The following AEBP1 variants were observed in gnomAD, a reference collection of about 807,000 sequenced individuals.
The protein encoded by AEBP1 is AE binding protein 1.
A neutral mutation model predicts 116.5 loss-of-function variants in AEBP1; 69 were observed. That is an observed-to-expected ratio of 0.59 (90% confidence interval 0.49 to 0.72). AEBP1 has a LOEUF of 0.72. AEBP1 is among the 30% of genes least tolerant of loss of function. AEBP1 has a pLI of 0.00. For missense variants in AEBP1, 1,444 were observed against 1,557.5 expected, an observed-to-expected ratio of 0.93 and a Z score of 1.23; for synonymous variants, 627 against 627.3, an observed-to-expected ratio of 1.00 and a Z score of 0.01.
Position 44,111,419 on chromosome 7 carries a change from C to A in AEBP1, c.1717-88C>A. 1 of 1,487,542 alleles carries A rather than the reference C, an allele frequency of 6.7e-7. No homozygotes were observed. The highest frequency in any genetic ancestry group is 1.4e-5 in the South Asian group (1 of 73,024). The allele number at this position is 1,487,542 out of a possible 1,614,324, so 92.1% of individuals were successfully genotyped here. On this transcript the variant is annotated intron_variant, in intron 14 of 20. Coordinates refer to ENST00000223357, the MANE Select transcript of AEBP1 (RefSeq NM_001129.5). The surrounding 1 kb of genome is among the most constrained non-coding windows in gnomAD (Gnocchi z 4.7). Reference sequence around the variant, plus strand: ...GTGAAGGGGTCATGCCCGTCCCTCGCCATAGAGCAGGCCCTGGAAGTGGAA... The same window carrying A: ...GTGAAGGGGTCATGCCCGTCCCTCGACATAGAGCAGGCCCTGGAAGTGGAA...
In AEBP1 at chr7:44,113,812, C is replaced by A; in HGVS notation, c.3028C>A (p.Pro1010Thr). 5 of 1,614,058 alleles carry A rather than the reference C, an allele frequency of 3.1e-6. 1 individual carries two copies. The South Asian group carries it at 5.5e-5, about 18-fold the overall frequency. Residue 1010 changes from proline (P) to threonine (T), a missense_variant, in exon 21 of 21, where the codon CCT becomes ACT. Pro to Thr is a conservative substitution (Grantham distance 38). Coordinates refer to ENST00000223357, the MANE Select transcript of AEBP1 (RefSeq NM_001129.5). The surrounding 1 kb of genome is among the most constrained non-coding windows in gnomAD (Gnocchi z 5.3). ...RPIPHIDPSR[P>T]MTPQQRRLQQ... ...TATCCCACACATAGACCCATCGCGC[C>A]CTATGACCCCCCAACAGCGACGCCT...
Position 44,104,880 on chromosome 7 carries a change from G to A in AEBP1, c.215G>A (p.Gly72Glu). ...PTPRVRKAQA[G>E]GKPGKRPGTA... ...CCGCGGGTCCGAAAAGCCCAGGCGGGGGGCAAGCCAGGGAAGCGGCCAGGG... is the reference window on the plus strand; with the variant it reads ...CCGCGGGTCCGAAAAGCCCAGGCGGAGGGCAAGCCAGGGAAGCGGCCAGGG... Residue 72 changes from glycine to glutamate, a missense_variant, in exon 1 of 21, where the codon GGG (glycine) becomes GAG (glutamate). Transcript: ENST00000223357. 6.4e-7 allele frequency: 1 copy of A among 1,559,446 alleles called. No homozygotes were observed. The highest frequency in any genetic ancestry group is 8.7e-7 in the Non-Finnish European group (1 of 1,152,226).
chr7:44,113,800 G>A lies in AEBP1; in HGVS notation c.3016G>A (p.Asp1006Asn). Residue 1006 changes from aspartate (D) to asparagine (N), a missense_variant, in exon 21 of 21, where the codon GAC becomes AAC. Transcript: ENST00000223357. This position sits in a 1 kb window ranked among gnomAD's most constrained non-coding sequence, Gnocchi z 5.3. The part of the protein sequence containing the change: ...MNGNRPIPHI[D>N]PSRPMTPQQR... ...CGGGAACCGGCCTATCCCACACATA[G>A]ACCCATCGCGCCCTATGACCCCCCA... 1 of 1,614,046 alleles carries A rather than the reference G, an allele frequency of 6.2e-7. No individual in the cohort carries two copies. The highest frequency in any genetic ancestry group is 8.5e-7 in the Non-Finnish European group (1 of 1,179,996).
Position 44,106,640 on chromosome 7 carries a change from G to A in AEBP1, c.348G>A (p.Pro116=), listed in dbSNP as rs201227189. 1.8e-4 allele frequency: 288 copies of A among 1,612,682 alleles called. No homozygotes were observed. Among genetic ancestry groups the A allele is most frequent in the Admixed American group, 2.0e-4 (12 of 59,782 alleles). ...AGTCCTTGGAGGGGTCCCCCAGGCCGCCCAAGAAGGGGAAGGAGAAGCCAC... is the reference window on the plus strand; with the variant it reads ...AGTCCTTGGAGGGGTCCCCCAGGCCACCCAAGAAGGGGAAGGAGAAGCCAC... ...PKESLEGSPR[P]PKKGKEKPPK... The change falls in exon 2 of 21, where the codon CCG becomes CCA. Residue 116 remains proline, a synonymous_variant. Coordinates refer to ENST00000223357, the MANE Select transcript of AEBP1 (RefSeq NM_001129.5).
rs917657328 is a variant in AEBP1, at chr7:44,104,605, A to G, written c.-61A>G. On this transcript the variant is annotated 5_prime_UTR_variant, in exon 1 of 21. Transcript: ENST00000223357. ...CTCGATCCCCTCTCCGCCCTTTCCC[A>G]GAGACCCAGAGCCCCTGACCCCCCG... 2.5e-6 allele frequency: 3 copies of G among 1,190,994 alleles called. No individual in the cohort carries two copies. Among genetic ancestry groups the G allele is most frequent in the Non-Finnish European group, 3.3e-6 (3 of 909,010 alleles). The allele number at this position is 1,190,994 out of a possible 1,614,324, so 73.8% of individuals were successfully genotyped here.
In AEBP1 at chr7:44,113,700, C is replaced by T; in HGVS notation, c.2916C>T (p.Asp972=). The change falls in exon 21 of 21, where the codon GAC becomes GAT. Residue 972 remains aspartate (D), a synonymous_variant. Transcript: ENST00000223357. The surrounding 1 kb of genome is among the most constrained non-coding windows in gnomAD (Gnocchi z 5.3). ...CCAAGACCTGCAATGTTGACTATGA[C>T]ATCGGGGCCACTCAGTGCAACTTCA... is the stretch of plus-strand genomic sequence containing the variant. ...PSAKTCNVDY[D]IGATQCNFIL... The T allele has an allele frequency of 6.2e-7, 1 of 1,614,066 alleles. No homozygotes were observed. The highest frequency in any genetic ancestry group is 8.5e-7 in the Non-Finnish European group (1 of 1,179,990).
Position 44,114,338 on chromosome 7 carries a change from C to T in AEBP1, c.*77C>T. ...TTCCCAAGCCTGCTGACCACAGTCA[C>T]ATCACCCATCAGCACATGGAAGGCC... On this transcript the variant is annotated 3_prime_UTR_variant, in exon 21 of 21. Coordinates refer to ENST00000223357, the MANE Select transcript of AEBP1 (RefSeq NM_001129.5). 1.3e-6 allele frequency: 2 copies of T among 1,505,552 alleles called. No homozygotes were observed. Among genetic ancestry groups the T allele is most frequent in the Non-Finnish European group, 1.8e-6 (2 of 1,093,522 alleles). The allele number at this position is 1,505,552 out of a possible 1,614,324, so 93.3% of individuals were successfully genotyped here.
rs2096223675 is a variant in AEBP1 at position 44,107,020 on chromosome 7, T to G, written c.595+133T>G. ...TCCCCACTGGATGGGAACCTCACTT[T>G]TGCTATAAATTTCACAATTTGATTG... On this transcript the variant is annotated intron_variant, in intron 2 of 20. Coordinates refer to ENST00000223357, the MANE Select transcript of AEBP1 (RefSeq NM_001129.5). This position sits in a 1 kb window ranked among gnomAD's most constrained non-coding sequence, Gnocchi z 4.3. 8.4e-6 allele frequency: 6 copies of G among 715,442 alleles called. No individual in the cohort carries two copies. The highest frequency in any genetic ancestry group is 6.8e-6 in the Non-Finnish European group (3 of 442,452). 44.3% of individuals were successfully genotyped at this position (715,442 alleles called of 1,614,324 possible).
At chr7:44,110,444 C>A in intron 11 of AEBP1, 98 bp downstream of exon 11, 1 of 1,555,518 alleles carries the variant, frequency 6.4e-7, no homozygotes, top group Non-Finnish European at 8.7e-7. Context: ...CCTTCTTTGG[C>A]CCAGCCAAAG....
chr7:44,113,707 G>A lies in AEBP1; in HGVS notation c.2923G>A (p.Ala975Thr), dbSNP rs961385876. ...KTCNVDYDIG[A>T]TQCNFILARS... Reference sequence around the variant, plus strand: ...CTGCAATGTTGACTATGACATCGGGGCCACTCAGTGCAACTTCATCCTGGC... The same window carrying A: ...CTGCAATGTTGACTATGACATCGGGACCACTCAGTGCAACTTCATCCTGGC... Residue 975 changes from alanine (A) to threonine (T), a missense_variant, in exon 21 of 21, where the codon GCC becomes ACC. Physicochemically the swap from Ala to Thr is moderately conservative, Grantham distance 58 (BLOSUM62 0). Coordinates refer to ENST00000223357, the MANE Select transcript of AEBP1 (RefSeq NM_001129.5). The surrounding 1 kb of genome is among the most constrained non-coding windows in gnomAD (Gnocchi z 5.3). The A allele has an allele frequency of 3.7e-6, 6 of 1,614,050 alleles. No homozygotes were observed. Among genetic ancestry groups the A allele is most frequent in the Non-Finnish European group, 5.1e-6 (6 of 1,179,986 alleles).
At position 44,114,069 on chromosome 7, in the gene AEBP1, C is replaced by A; in HGVS notation, c.3285C>A (p.Thr1095=). Residue 1095 remains threonine, a synonymous_variant, in exon 21 of 21, where the codon ACC becomes ACA. Transcript: ENST00000223357. ...CAGAGGTGGTGACAGAGTTTGGGAC[C>A]GAGGTGGAGCCCGAGTTTGGGACCA... ...TYTEVVTEFG[T]EVEPEFGTKV... is the part of the protein sequence containing the mutation. The A allele has an allele frequency of 6.2e-7, 1 of 1,614,018 alleles. No homozygotes were observed. Among genetic ancestry groups the A allele is most frequent in the Non-Finnish European group, 8.5e-7 (1 of 1,179,984 alleles).
chr7:44,107,504 C>T lies in AEBP1; in HGVS notation c.661C>T (p.Gln221Ter). The change falls in exon 3 of 21, where the codon CAG (glutamine) becomes TAG (stop). Residue 221 changes from glutamine (Q) to a stop codon, truncating the protein, a stop_gained. Transcript: ENST00000223357. LOFTEE classifies it high-confidence loss of function. The surrounding 1 kb of genome is among the most constrained non-coding windows in gnomAD (Gnocchi z 4.3). The stretch of plus-strand genomic sequence containing the variant: ...GACCCATGTGGAGGCACGGGAGCAC[C>T]AGCCTGGTGAGTGGCCGTCATCCGC... Reference protein sequence around the residue: ...EETHVEAREHQPEPEEETEQP... With the variant: ...EETHVEAREH 6.2e-7 allele frequency: 1 copy of T among 1,613,468 alleles called. No individual in the cohort carries two copies. The highest frequency in any genetic ancestry group is 8.5e-7 in the Non-Finnish European group (1 of 1,179,984).
chr7:44,112,851 G>A lies in AEBP1; in HGVS notation c.2511G>A (p.Gln837=), dbSNP rs779052455. ...CCTACCGCGGAGGCTGCCAAGCCCA[G>A]GACTACACCGGCGGCATGGGCATCG... is the stretch of plus-strand genomic sequence containing the variant. The part of the protein sequence containing the change: ...TEPYRGGCQA[Q]DYTGGMGIVN... The change falls in exon 18 of 21, where the codon CAG becomes CAA. Residue 837 remains glutamine (Q), a synonymous_variant. Transcript: ENST00000223357. This position sits in a 1 kb window ranked among gnomAD's most constrained non-coding sequence, Gnocchi z 6.6. 3 of 1,612,524 alleles carry A rather than the reference G, an allele frequency of 1.9e-6. No individual in the cohort carries two copies. The highest frequency in any genetic ancestry group is 2.5e-6 in the Non-Finnish European group (3 of 1,179,790).
At position 44,111,833 on chromosome 7, in the gene AEBP1, C is replaced by A. The variant is rs1227037498; in HGVS notation, c.1841-21C>A. ...TGGGCCTCGGGAGACTGAGTGCTCA[C>A]TGAGGCTCCCGCCCTTGCAGGGGAG... On this transcript the variant is annotated intron_variant, in intron 15 of 20. Coordinates refer to ENST00000223357, the MANE Select transcript of AEBP1 (RefSeq NM_001129.5). This position sits in a 1 kb window ranked among gnomAD's most constrained non-coding sequence, Gnocchi z 4.7. The A allele has an allele frequency of 6.2e-7, 1 of 1,606,398 alleles. No homozygotes were observed. The highest frequency in any genetic ancestry group is 8.5e-7 in the Non-Finnish European group (1 of 1,176,348).
At position 44,108,236 on chromosome 7, in the gene AEBP1, AC is replaced by A; in HGVS notation, c.940+156del. ...CTGTCCCTGCTGTCCCTGCGTGCCC[AC>A]CCCAGCCACTGCCCTGTCTCCTCTG... On this transcript the variant is annotated intron_variant, in intron 6 of 20. Coordinates refer to ENST00000223357, the MANE Select transcript of AEBP1 (RefSeq NM_001129.5). The surrounding 1 kb of genome is among the most constrained non-coding windows in gnomAD (Gnocchi z 5.0). 2 of 718,386 alleles carry A rather than the reference AC, an allele frequency of 2.8e-6. No homozygotes were observed. The highest frequency in any genetic ancestry group is 4.8e-6 in the Non-Finnish European group (2 of 417,936). The allele number at this position is 718,386 out of a possible 1,614,324, so 44.5% of individuals were successfully genotyped here.
rs1583558444 is a variant in AEBP1, at chr7:44,114,525, G to A, written c.*264G>A. 4.9e-6 allele frequency: 3 copies of A among 618,018 alleles called. No individual in the cohort carries two copies. Among genetic ancestry groups the A allele is most frequent in the East Asian group, 5.5e-5 (2 of 36,324 alleles). 38.3% of individuals were successfully genotyped at this position (618,018 alleles called of 1,614,324 possible). On this transcript the variant is annotated 3_prime_UTR_variant, in exon 21 of 21. Transcript: ENST00000223357. Reference sequence around the variant, plus strand: ...GTGTTGGAGTAGGGGCAGAGGGAGGGAGCCAAGGTCACTCCAATAAAACAA... The same window carrying A: ...GTGTTGGAGTAGGGGCAGAGGGAGGAAGCCAAGGTCACTCCAATAAAACAA...
rs777910746 is a variant in AEBP1 at position 44,112,062 on chromosome 7, G to C, written c.2037+12G>C. On this transcript the variant is annotated intron_variant, in intron 16 of 20. Transcript: ENST00000223357. The surrounding 1 kb of genome is among the most constrained non-coding windows in gnomAD (Gnocchi z 6.6). Reference sequence around the variant, plus strand: ...TGGCAGCGCAGATGGTGGGTTGAAGGGTGAGGCTGGCCAGGGTCCAGGCAG... The same window carrying C: ...TGGCAGCGCAGATGGTGGGTTGAAGCGTGAGGCTGGCCAGGGTCCAGGCAG... 63 of 1,609,866 alleles carry C rather than the reference G, an allele frequency of 3.9e-5. No individual in the cohort carries two copies. The highest frequency in any genetic ancestry group is 4.4e-5 in the Non-Finnish European group (52 of 1,176,874).
rs2096224218 is a variant in AEBP1 at position 44,107,553 on chromosome 7, G to A, written c.667+43G>A. 2 of 1,613,142 alleles carry A rather than the reference G, an allele frequency of 1.2e-6. No individual in the cohort carries two copies. Among genetic ancestry groups the A allele is most frequent in the Admixed American group, 1.7e-5 (1 of 60,002 alleles). ...GCCTGGCCTTGGGGCCAGCTGCCCT[G>A]GCTGGTTGGACTGAGGGCTTCCCCA... On this transcript the variant is annotated intron_variant, in intron 3 of 20. Coordinates refer to ENST00000223357, the MANE Select transcript of AEBP1 (RefSeq NM_001129.5). The surrounding 1 kb of genome is among the most constrained non-coding windows in gnomAD (Gnocchi z 4.3).
rs780233667 is a variant in AEBP1, at chr7:44,109,324, C to T, written c.1133C>T (p.Thr378Met). Residue 378 changes from threonine (T) to methionine (M), a missense_variant, in exon 9 of 21, where the codon ACG (threonine) becomes ATG (methionine). By Grantham distance (81) the Thr-to-Met change is moderately conservative (BLOSUM62 -1). Coordinates refer to ENST00000223357, the MANE Select transcript of AEBP1 (RefSeq NM_001129.5). ...RKGEELEEEWTPTEKVKCPPI... is the reference protein window; with the variant it reads ...RKGEELEEEWMPTEKVKCPPI... Reference sequence around the variant, plus strand: ...GGCGAGGAGTTGGAGGAGGAGTGGACGCCTACGGAGAAAGTCAGTAAGTGG... The same window carrying T: ...GGCGAGGAGTTGGAGGAGGAGTGGATGCCTACGGAGAAAGTCAGTAAGTGG... 59 of 1,596,132 alleles carry T rather than the reference C, an allele frequency of 3.7e-5. No homozygotes were observed. The highest frequency in any genetic ancestry group is 9.0e-5 in the South Asian group (8 of 89,176).
Sources: allele counts gnomAD v4.1 joint callset, GRCh38; gene constraint gnomAD v4.1.1; non-coding constraint Gnocchi (gnomAD v3.1); transcripts MANE v1.5; gene names NCBI Gene and HGNC (gene_info 2026-07-23, HGNC 2026-07-21).